The following GRM7 variants were observed in gnomAD, a reference collection of about 807,000 sequenced individuals.
GRM7 encodes metabotropic glutamate receptor 7.
Under a neutral mutation model 84.5 loss-of-function variants are expected in GRM7, and 35 were observed. The observed-to-expected ratio is 0.41, with a 90% CI of 0.32 to 0.55. The LOEUF (loss-of-function observed/expected upper bound fraction) is 0.55. Ranked by LOEUF, GRM7 falls within the 20% of genes least tolerant of loss-of-function variation. GRM7 has a pLI of 0.19. For missense variants in GRM7, 1,003 were observed against 1,194.6 expected (o/e 0.84, Z 2.36); for synonymous variants, 487 against 455.1 (o/e 1.07, Z -0.89).
intron 4 of GRM7, among the ~76,000 whole-genome samples, chr3:7,383,263 T>G (rs1222264916): frequency 6.6e-6 from 1 of 152,224 alleles, no homozygotes; most frequent in African/African-American, 2.4e-5. Flanking sequence ...ACCTAAGAAG[T>G]GCTCAGACTA....
At chr3:6,969,371 C>A (rs1476328370) in intron 1 of GRM7, among the ~76,000 whole-genome samples, 2 of 151,920 alleles carry the variant, frequency 1.3e-5, no homozygotes, top group African/African-American at 4.8e-5. Flanking sequence ...TATCATTATC[C>A]CCATTACATA....
chr3:7,657,926 T>C (rs527798315), intron 8 of GRM7, among the ~76,000 whole-genome samples: 1 of 152,316 alleles, frequency 6.6e-6, no homozygotes, highest in African/African-American at 2.4e-5. Context: ...GGAATCTCTC[T>C]AAGCAATTAA....
chr3:7,649,333 T>G (rs953538782), intron 8 of GRM7, among the ~76,000 whole-genome samples: 4 of 152,068 alleles, frequency 2.6e-5, no homozygotes, highest in Non-Finnish European at 1.5e-5. Context: ...CCTCCCAAAG[T>G]GCTGGGATTA....
intron 4 of GRM7, among the ~76,000 whole-genome samples, chr3:7,337,570 A>C (rs1266190521): frequency 6.6e-6 from 1 of 152,122 alleles, no homozygotes; most frequent in African/African-American, 2.4e-5. Context: ...ACAGGAAAAA[A>C]ATAATCCCAT....
At chr3:7,309,940 C>T (rs1319488341) in intron 4 of GRM7, among the ~76,000 whole-genome samples, 1 of 152,142 alleles carries the variant, frequency 6.6e-6, no homozygotes, top group Non-Finnish European at 1.5e-5. Flanking sequence ...TTTAGTGTGT[C>T]TGCATTGTCT....
chr3:7,047,667 G>A lies in GRM7; in HGVS notation c.520-98785G>A, dbSNP rs1007784111. On this transcript the variant is annotated intron_variant, in intron 1 of 9. Coordinates refer to ENST00000357716, the MANE Select transcript of GRM7 (RefSeq NM_000844.4). ...ACAGTCCAGGGAGCTGCTGCATTGA[G>A]GAATGTTCCAGTGTCCTGGATTCTA... Among the ~76,000 whole-genome samples, 11 of 151,996 alleles carry A rather than the reference G, an allele frequency of 7.2e-5. No individual in the cohort carries two copies. In the East Asian group the frequency reaches 1.7e-3, roughly 24 times the overall value.
chr3:6,884,811 G>A (rs1695631145), intron 1 of GRM7, among the ~76,000 whole-genome samples: 1 of 152,004 alleles, frequency 6.6e-6, no homozygotes, highest in Non-Finnish European at 1.5e-5. Flanking sequence ...TGTTATCCAG[G>A]CTGGTCTCAA....
intron 4 of GRM7, among the ~76,000 whole-genome samples, chr3:7,388,938 C>A (rs1694889059): frequency 6.6e-6 from 1 of 151,968 alleles, no homozygotes; most frequent in East Asian, 1.9e-4. Flanking sequence ...TTAGTTTGTT[C>A]TATTTTTCCA....
chr3:7,113,261 T>C (rs1458928898), intron 1 of GRM7, among the ~76,000 whole-genome samples: 1 of 152,156 alleles, frequency 6.6e-6, no homozygotes, highest in Non-Finnish European at 1.5e-5. Flanking sequence ...ATAGTGACTT[T>C]ATTTTATTTT....
chr3:7,618,477 G>A (rs1383267410), intron 8 of GRM7, among the ~76,000 whole-genome samples: 1 of 151,998 alleles, frequency 6.6e-6, no homozygotes, highest in Non-Finnish European at 1.5e-5. Context: ...CACTCTCAAA[G>A]TGCTTAAAGA....
chr3:6,990,849 T>C (rs1427645797), intron 1 of GRM7, among the ~76,000 whole-genome samples: 1 of 152,172 alleles, frequency 6.6e-6, no homozygotes, highest in Non-Finnish European at 1.5e-5. Flanking sequence ...TTAAATCTCT[T>C]TGAGAGACTG....
At chr3:6,968,766 C>T (rs1460034141) in intron 1 of GRM7, among the ~76,000 whole-genome samples, 1 of 152,064 alleles carries the variant, frequency 6.6e-6, no homozygotes, top group Admixed American at 6.6e-5. Flanking sequence ...CAAGACAGTT[C>T]CCCTCCATAT....
Position 7,619,437 on chromosome 3 carries a change from AG to A in GRM7, c.2451+40082del, listed in dbSNP as rs550466952. 1.8e-3 allele frequency among the ~76,000 whole-genome samples: 269 copies of A among 152,166 alleles called. 1 individual carries two copies. The highest frequency in any genetic ancestry group is 6.1e-3 in the African/African-American group (255 of 41,538). ...AGAAAAAGGTCAGCCTTGGCATAGAAGGATCTGCCTCATCTCGGGGGATTAA... is the reference window on the plus strand; with the variant it reads ...AGAAAAAGGTCAGCCTTGGCATAGAAGATCTGCCTCATCTCGGGGGATTAA... On this transcript the variant is annotated intron_variant, in intron 8 of 9. Coordinates refer to ENST00000357716, the MANE Select transcript of GRM7 (RefSeq NM_000844.4).
At chr3:7,448,428 T>C (rs2124884480) in intron 5 of GRM7, among the ~76,000 whole-genome samples, 1 of 152,274 alleles carries the variant, frequency 6.6e-6, no homozygotes, top group East Asian at 1.9e-4. Flanking sequence ...TTGGATTGGC[T>C]TAGACAAATC....
intron 1 of GRM7, among the ~76,000 whole-genome samples, chr3:6,908,257 C>T (rs1559322010): frequency 6.6e-6 from 1 of 152,148 alleles, no homozygotes; most frequent in Non-Finnish European, 1.5e-5. Flanking sequence ...ATTTTGTTTC[C>T]AAGACAACAA....
intron 1 of GRM7, among the ~76,000 whole-genome samples, chr3:7,013,652 G>A (rs868601051): frequency 6.6e-6 from 1 of 152,034 alleles, no homozygotes; most frequent in Non-Finnish European, 1.5e-5. Context: ...GTGGTGGTGC[G>A]TGCCTGTGAG....
At chr3:7,377,381 A>T in intron 4 of GRM7, among the ~76,000 whole-genome samples, 1 of 152,276 alleles carries the variant, frequency 6.6e-6, no homozygotes, top group Middle Eastern at 3.4e-3. Flanking sequence ...TTTATCTGAA[A>T]CTGAATCTTC....
chr3:7,189,424 G>T (rs191497421), intron 2 of GRM7, among the ~76,000 whole-genome samples: 2 of 152,194 alleles, frequency 1.3e-5, no homozygotes, highest in African/African-American at 2.4e-5. Context: ...AGACGATCTG[G>T]CTTTGGGTTT....
chr3:7,176,639 C>T (rs1482432107), intron 2 of GRM7, among the ~76,000 whole-genome samples: 4 of 152,130 alleles, frequency 2.6e-5, no homozygotes, highest in Admixed American at 6.5e-5. Context: ...TTGAATTTTA[C>T]CCTTCCAGGC....
Sources: allele counts gnomAD v4.1 joint callset (sites outside exome capture counted in the v4.1 genomes callset), GRCh38; gene constraint gnomAD v4.1.1; transcripts MANE v1.5; gene names NCBI Gene and HGNC (gene_info 2026-07-23, HGNC 2026-07-21).